Variants in ENTREP2 observed in about 807,000 individuals in gnomAD.
The protein encoded by ENTREP2 is endosomal transmembrane epsin interactor 2, also known as protein ENTREP2.
chr15:29,429,236 T>C, the ENTREP2 span, among the ~76,000 whole-genome samples: 638 of 151,960 alleles, frequency 4.2e-3, 4 homozygotes, highest in Middle Eastern at 6.8e-3. Context: ...CATCCATCTA[T>C]CTTGAGATGG....
chr15:29,460,013 A>C, the ENTREP2 span, among the ~76,000 whole-genome samples: 1 of 152,180 alleles, frequency 6.6e-6, no homozygotes, highest in Non-Finnish European at 1.5e-5. Flanking sequence ...TTTGGAGGCC[A>C]AGACAGGAGG....
At chr15:29,350,410 T>C in the ENTREP2 span, among the ~76,000 whole-genome samples, 3 of 152,228 alleles carry the variant, frequency 2.0e-5, no homozygotes, top group Admixed American at 2.0e-4. Flanking sequence ...TATGTACTTA[T>C]AACTCTTTTC....
At chr15:29,175,479 G>C in the ENTREP2 span, among the ~76,000 whole-genome samples, 7 of 152,196 alleles carry the variant, frequency 4.6e-5, no homozygotes, top group African/African-American at 1.7e-4. Flanking sequence ...TTAAGGAAAA[G>C]AGCCCTAAAG....
At chr15:29,307,962 T>A in the ENTREP2 span, among the ~76,000 whole-genome samples, 1 of 152,216 alleles carries the variant, frequency 6.6e-6, no homozygotes, top group East Asian at 1.9e-4. Flanking sequence ...AATGAGTTTT[T>A]AAAAAATTAT....
At chr15:29,529,813 C>T in the ENTREP2 span, among the ~76,000 whole-genome samples, 2 of 152,256 alleles carry the variant, frequency 1.3e-5, no homozygotes, top group Admixed American at 6.5e-5. Flanking sequence ...TTACAAACTA[C>T]CTCATTTTAG....
the ENTREP2 span, among the ~76,000 whole-genome samples, chr15:29,299,685 T>C: frequency 1.3e-5 from 2 of 152,196 alleles, no homozygotes; most frequent in East Asian, 3.8e-4. Flanking sequence ...CACTTTATAA[T>C]ATATAATATA....
At chr15:29,420,284 G>C in the ENTREP2 span, among the ~76,000 whole-genome samples, 1 of 152,178 alleles carries the variant, frequency 6.6e-6, no homozygotes, top group Non-Finnish European at 1.5e-5. Flanking sequence ...TGTGGGAGGG[G>C]AAGTCCCTCA....
the ENTREP2 span, among the ~76,000 whole-genome samples, chr15:29,149,024 G>A: frequency 6.6e-6 from 1 of 152,092 alleles, no homozygotes; most frequent in Non-Finnish European, 1.5e-5. Context: ...TTATCGGCAT[G>A]TGCCACCATG....
the ENTREP2 span, among the ~76,000 whole-genome samples, chr15:29,203,989 C>A: frequency 6.6e-6 from 1 of 152,260 alleles, no homozygotes; most frequent in East Asian, 1.9e-4. Flanking sequence ...ATAAAATAAC[C>A]CTTCAATGAC....
At chr15:29,346,134 C>T in the ENTREP2 span, among the ~76,000 whole-genome samples, 1 of 152,118 alleles carries the variant, frequency 6.6e-6, no homozygotes, top group Non-Finnish European at 1.5e-5. Flanking sequence ...CACAACGACG[C>T]CAAGAAGAGA....
the ENTREP2 span, among the ~76,000 whole-genome samples, chr15:29,290,260 TCTGTTCC>T: frequency 6.6e-6 from 1 of 152,186 alleles, no homozygotes; most frequent in Non-Finnish European, 1.5e-5. Context: ...CTCCTCGCAG[TCTGTTCC>T]TTGAGTGTGC....
the ENTREP2 span, among the ~76,000 whole-genome samples, chr15:29,314,929 G>A: frequency 6.6e-6 from 1 of 152,156 alleles, no homozygotes; most frequent in Non-Finnish European, 1.5e-5. Flanking sequence ...GTGCACACCT[G>A]TAGTCCCAGC....
chr15:29,162,480 G>T, the ENTREP2 span, among the ~76,000 whole-genome samples: 1 of 152,128 alleles, frequency 6.6e-6, no homozygotes, highest in Non-Finnish European at 1.5e-5. Flanking sequence ...GGCATGGTGG[G>T]AGTGAGACTG....
the ENTREP2 span, chr15:29,376,551 A>AACACACACACACACACACACAC: frequency 6.8e-6 from 1 of 147,092 alleles, no homozygotes; most frequent in Admixed American, 6.8e-5. Context: ...CACTATGGTA[A>AACACACACACACACACACACAC]ACACACACAC....
chr15:29,634,174 G>C, the ENTREP2 span, among the ~76,000 whole-genome samples: 1 of 152,086 alleles, frequency 6.6e-6, no homozygotes, highest in South Asian at 2.1e-4. Context: ...CTGTAGGGGA[G>C]GGTGGCGGAG....
At chr15:29,135,871 G>A in the ENTREP2 span, among the ~76,000 whole-genome samples, 1 of 152,162 alleles carries the variant, frequency 6.6e-6, no homozygotes, top group Admixed American at 6.5e-5. This position sits in a 1 kb window ranked among gnomAD's most constrained non-coding sequence, Gnocchi z 7.4. Context: ...GGGCGGTGAT[G>A]GCAGTGTGTG....
chr15:29,315,501 G>C, the ENTREP2 span, among the ~76,000 whole-genome samples: 1 of 152,198 alleles, frequency 6.6e-6, no homozygotes, highest in Non-Finnish European at 1.5e-5. Context: ...GATAAATCCA[G>C]ATGGGATGGC....
At chr15:29,529,461 T>C in the ENTREP2 span, among the ~76,000 whole-genome samples, 17 of 151,978 alleles carry the variant, frequency 1.1e-4, no homozygotes, top group South Asian at 3.5e-3. Context: ...AGTTGTCTGG[T>C]ACCTGGCTCT....
At chr15:29,357,320 G>A in the ENTREP2 span, among the ~76,000 whole-genome samples, 1 of 152,056 alleles carries the variant, frequency 6.6e-6, no homozygotes, top group Non-Finnish European at 1.5e-5. Flanking sequence ...TGCACAGAAA[G>A]TATCCCCAGT....
Sources: allele counts gnomAD v4.1 joint callset (sites outside exome capture counted in the v4.1 genomes callset), GRCh38; gene constraint gnomAD v4.1.1; non-coding constraint Gnocchi (gnomAD v3.1); transcripts MANE v1.5; gene names NCBI Gene and HGNC (gene_info 2026-07-23, HGNC 2026-07-21).